The following EIPR1 variants were observed in gnomAD, a reference collection of about 807,000 sequenced individuals.
EIPR1 encodes EARP and GARP complex-interacting protein 1.
Under a neutral mutation model 48.1 loss-of-function variants are expected in EIPR1, and 25 were observed. That is an observed-to-expected ratio of 0.52 (90% CI 0.38 to 0.73). The LOEUF (loss-of-function observed/expected upper bound fraction) is 0.73, where lower values mean the gene tolerates loss of function less well. Among genes scored for constraint, EIPR1 ranks in the 30% least tolerant of loss-of-function variants. The pLI is 0.00. For missense variants in EIPR1, 415 were observed against 506.2 expected, an observed-to-expected ratio of 0.82 and a Z score of 1.73; for synonymous variants, 204 against 201.9, an observed-to-expected ratio of 1.01 and a Z score of -0.09.
At chr2:3,280,913 C>T (rs1172269629) in intron 3 of EIPR1, among the ~76,000 whole-genome samples, 6 of 151,786 alleles carry the variant, frequency 4.0e-5, no homozygotes, top group South Asian at 2.1e-4. Context: ...TTCCAGGAGC[C>T]GCCTGTGCAG....
Position 3,348,069 on chromosome 2 carries a change from G to A in EIPR1, c.126+6481C>T, listed in dbSNP as rs995102499. On this transcript the variant is annotated intron_variant, in intron 2 of 8. Coordinates refer to ENST00000382125, the MANE Select transcript of EIPR1 (RefSeq NM_003310.5). Reference sequence around the variant, plus strand: ...ACAGGTGAGAACAGGACTTGCAGGCGGGGGGGCTGCAGGAACAAAGTTGTC... The same window carrying A: ...ACAGGTGAGAACAGGACTTGCAGGCAGGGGGGCTGCAGGAACAAAGTTGTC... Among the ~76,000 whole-genome samples, 24 of 151,220 alleles carry A rather than the reference G, an allele frequency of 1.6e-4. No individual in the cohort carries two copies. In the South Asian group the frequency reaches 1.7e-3, roughly 11 times the overall value.
intron 4 of EIPR1, among the ~76,000 whole-genome samples, chr2:3,252,420 G>A (rs1045572148): frequency 2.6e-5 from 4 of 152,090 alleles, no homozygotes; most frequent in Non-Finnish European, 4.4e-5. Flanking sequence ...GCAAAACCCC[G>A]TCTCTACTAA....
chr2:3,239,581 G>A (rs976230135), intron 4 of EIPR1, among the ~76,000 whole-genome samples: 1 of 152,190 alleles, frequency 6.6e-6, no homozygotes, highest in Middle Eastern at 3.2e-3. Context: ...GTGTGGCCCT[G>A]CCCTCAGCAC....
intron 5 of EIPR1, chr2:3,208,621 TG>T: frequency 6.4e-7 from 1 of 1,550,658 alleles, no homozygotes; most frequent in Non-Finnish European, 8.7e-7. Flanking sequence ...TGAATGAATT[TG>T]GCCATGGCAT....
intron 6 of EIPR1, among the ~76,000 whole-genome samples, chr2:3,195,182 G>A (rs139076429): frequency 3.3e-5 from 5 of 152,356 alleles, no homozygotes; most frequent in Non-Finnish European, 7.3e-5. Context: ...CATCCAGTGA[G>A]GCTGGACAGT....
intron 5 of EIPR1, among the ~76,000 whole-genome samples, chr2:3,212,593 G>A (rs758783230): frequency 9.2e-5 from 14 of 152,086 alleles, no homozygotes; most frequent in Non-Finnish European, 1.6e-4. Context: ...GGAATGCCCC[G>A]CAAAAACACA....
intron 1 of EIPR1, among the ~76,000 whole-genome samples, chr2:3,373,768 A>G (rs1659773468): frequency 6.6e-6 from 1 of 151,820 alleles, no homozygotes; most frequent in South Asian, 2.1e-4. Flanking sequence ...GCTCATGGGT[A>G]GGAAGAATCA....
At chr2:3,351,213 C>A (rs890431262) in intron 2 of EIPR1, among the ~76,000 whole-genome samples, 3 of 152,190 alleles carry the variant, frequency 2.0e-5, no homozygotes, top group Non-Finnish European at 2.9e-5. Context: ...GTTGGCCAGG[C>A]TGGTCTTGAA....
chr2:3,279,179 A>G (rs1667947920), intron 3 of EIPR1, among the ~76,000 whole-genome samples: 1 of 152,194 alleles, frequency 6.6e-6, no homozygotes. Context: ...CGATCATGTC[A>G]GAAATTAATT....
intron 3 of EIPR1, among the ~76,000 whole-genome samples, chr2:3,261,285 T>C (rs373010217): frequency 1.3e-5 from 2 of 152,214 alleles, no homozygotes; most frequent in South Asian, 2.1e-4. Flanking sequence ...GCCTGACACA[T>C]GCACACATGA....
intron 4 of EIPR1, among the ~76,000 whole-genome samples, chr2:3,247,856 G>C (rs1666880193): frequency 6.6e-6 from 1 of 152,210 alleles, no homozygotes; most frequent in Non-Finnish European, 1.5e-5. Flanking sequence ...TTATAAGGGT[G>C]ACGTTGGTAT....
intron 4 of EIPR1, among the ~76,000 whole-genome samples, chr2:3,245,116 T>C (rs761187402): frequency 3.3e-5 from 5 of 152,222 alleles, no homozygotes; most frequent in Non-Finnish European, 7.3e-5. Context: ...AACATTTATA[T>C]GGGGCAAGGG....
At chr2:3,208,132 G>A (rs1482832438) in intron 5 of EIPR1, 13 of 174,850 alleles carry the variant, frequency 7.4e-5, no homozygotes, top group South Asian at 3.0e-4. Flanking sequence ...GTTTTAACCC[G>A]TTTTCCACTA....
intron 4 of EIPR1, among the ~76,000 whole-genome samples, chr2:3,248,213 C>T (rs1220297482): frequency 1.3e-5 from 2 of 152,214 alleles, no homozygotes; most frequent in Admixed American, 6.5e-5. Flanking sequence ...TTTGGAAGGC[C>T]GAGGTGGGTG....
rs1295682264 is a variant in EIPR1, at chr2:3,194,180, AAG to A, written c.654-16_654-15del. 1.2e-5 allele frequency: 20 copies of A among 1,612,414 alleles called. No homozygotes were observed. The Admixed American group carries it at 1.7e-4, about 13-fold the overall frequency. ...CAGTAGATCTGGCTGAGGGAGAAGGAAGAACAGCAAAGGAAAATAGTAAATGG... is the reference window on the plus strand; with the variant it reads ...CAGTAGATCTGGCTGAGGGAGAAGGAAACAGCAAAGGAAAATAGTAAATGG... On this transcript the variant is annotated splice_polypyrimidine_tract_variant and intron_variant, in intron 6 of 8. Transcript: ENST00000382125.
intron 5 of EIPR1, chr2:3,207,900 TTATAC>T (rs1665291568): frequency 6.6e-6 from 1 of 152,384 alleles, no homozygotes; most frequent in Non-Finnish European, 1.5e-5. Flanking sequence ...ACTTGGTAAA[TTATAC>T]TATGATATTA....
At chr2:3,348,980 T>C (rs754793190) in intron 2 of EIPR1, among the ~76,000 whole-genome samples, 12 of 152,124 alleles carry the variant, frequency 7.9e-5, no homozygotes, top group African/African-American at 1.7e-4. Context: ...GCCGGAACCA[T>C]GGGGCCCAGG....
At chr2:3,220,481 G>A (rs1333171798) in intron 4 of EIPR1, among the ~76,000 whole-genome samples, 2 of 151,880 alleles carry the variant, frequency 1.3e-5, no homozygotes, top group Non-Finnish European at 2.9e-5. Context: ...ACATGTGCAT[G>A]ATGGCCGTGG....
At chr2:3,205,509 T>TGC (rs1405689267) in intron 5 of EIPR1, among the ~76,000 whole-genome samples, 1 of 152,274 alleles carries the variant, frequency 6.6e-6, no homozygotes, top group Non-Finnish European at 1.5e-5. Context: ...GAGGCCTTCA[T>TGC]GCTGTGGAGA....
Sources: allele counts gnomAD v4.1 joint callset (sites outside exome capture counted in the v4.1 genomes callset), GRCh38; gene constraint gnomAD v4.1.1; transcripts MANE v1.5; gene names NCBI Gene and HGNC (gene_info 2026-07-23, HGNC 2026-07-21).